The following RAB4A variants were observed in gnomAD, a reference collection of about 807,000 sequenced individuals.
RAB4A encodes ras-related protein Rab-4A.
RAB4A carries 20 observed loss-of-function variants against 34.5 expected under a neutral mutation model. The ratio of observed to expected loss-of-function variants is 0.58; its 90% CI spans 0.41 to 0.84. The LOEUF (loss-of-function observed/expected upper bound fraction) is 0.84. Among genes scored for constraint, RAB4A ranks in the 40% least tolerant of loss-of-function variants. RAB4A has a pLI of 0.00. For missense variants in RAB4A, 228 were observed against 274.5 expected (o/e 0.83, Z 1.20); for synonymous variants, 102 against 100.0 (o/e 1.02, Z -0.12).
intron 3 of RAB4A, 47 bp downstream of exon 3, chr1:229,288,890 A>G (rs1224617762): frequency 1.8e-6 from 2 of 1,140,476 alleles, no homozygotes; most frequent in East Asian, 2.5e-5. Flanking sequence ...TTTGATTTAA[A>G]ATAATTGATG....
Position 229,271,323 on chromosome 1 carries a change from G to T in RAB4A, c.-17G>T. The T allele has an allele frequency of 7.6e-7, 1 of 1,321,050 alleles. No homozygotes were observed. The highest frequency in any genetic ancestry group is 2.1e-5 in the South Asian group (1 of 48,744). 81.8% of individuals were successfully genotyped at this position (1,321,050 alleles called of 1,614,324 possible). A position where few individuals can be genotyped will look rare whatever the true frequency, so the allele number is the denominator to read the frequency against. Reference sequence around the variant, plus strand: ...AGTGCAGCCGGTGACCCGGCGAGAGGCGGCGCCGCTCCCAAGATGTCGCAG... The same window carrying T: ...AGTGCAGCCGGTGACCCGGCGAGAGTCGGCGCCGCTCCCAAGATGTCGCAG... On this transcript the variant is annotated 5_prime_UTR_variant, in exon 1 of 8. Transcript: ENST00000366690.
At chr1:229,296,237 A>T (rs1245047222) in intron 4 of RAB4A, among the ~76,000 whole-genome samples, 1 of 152,208 alleles carries the variant, frequency 6.6e-6, no homozygotes, top group Non-Finnish European at 1.5e-5. Flanking sequence ...AGTTATTAGA[A>T]GTGAGTTGAG....
rs141906984 is a variant in RAB4A, at chr1:229,296,772, GTT to G, written c.291-708_291-707del. 7.2e-3 allele frequency among the ~76,000 whole-genome samples: 1,096 copies of G among 152,362 alleles called. 15 individuals are homozygous for G. Among genetic ancestry groups the G allele is most frequent in the African/African-American group, 0.025 (1,048 of 41,586 alleles). On this transcript the variant is annotated intron_variant, in intron 4 of 7. Coordinates refer to ENST00000366690, the MANE Select transcript of RAB4A (RefSeq NM_004578.4). ...CAGGCGTTCTGAGAGGAGGAAGGCA[GTT>G]TCTGGCCCAGCCCTTCCTGCACTTG...
Position 229,305,475 on chromosome 1 carries a change from T to C in RAB4A, c.*1682T>C. 1.9e-6 allele frequency: 1 copy of C among 523,544 alleles called. No homozygotes were observed. The highest frequency in any genetic ancestry group is 3.2e-6 in the Non-Finnish European group (1 of 315,892). 32.4% of individuals were successfully genotyped at this position (523,544 alleles called of 1,614,324 possible). A position where few individuals can be genotyped will look rare whatever the true frequency, so the allele number is the denominator to read the frequency against. On this transcript the variant is annotated 3_prime_UTR_variant, in exon 8 of 8. Transcript: ENST00000366690. ...GACACCATATATCCTTCTGCATCCT[T>C]TGGCCAATAAAAGTTGCTGGAGAAC...
At chr1:229,295,500 TGAG>T (rs1657226478) in intron 3 of RAB4A, among the ~76,000 whole-genome samples, 1 of 151,942 alleles carries the variant, frequency 6.6e-6, no homozygotes, top group Non-Finnish European at 1.5e-5. Context: ...GTGGGGTAGA[TGAG>T]GAGCTCGCAG....
intron 3 of RAB4A, among the ~76,000 whole-genome samples, chr1:229,292,207 T>TA (rs551523313): frequency 6.7e-6 from 1 of 150,124 alleles, no homozygotes; most frequent in African/African-American, 2.5e-5. Flanking sequence ...CCCTAAAACT[T>TA]AAAGTATAAT....
chr1:229,275,563 C>T (rs1656617806), intron 1 of RAB4A, among the ~76,000 whole-genome samples: 1 of 149,580 alleles, frequency 6.7e-6, no homozygotes, highest in African/African-American at 2.5e-5. Context: ...GATGACAAGG[C>T]AAGATGAAGT....
intron 1 of RAB4A, 100 bp downstream of exon 1, chr1:229,271,470 G>A: frequency 9.7e-7 from 1 of 1,029,856 alleles, no homozygotes; most frequent in East Asian, 4.7e-5. Context: ...GGTGGCGGTG[G>A]CGCCGGCCGG....
chr1:229,277,872 T>C (rs578064726), intron 1 of RAB4A, among the ~76,000 whole-genome samples: 2 of 151,342 alleles, frequency 1.3e-5, no homozygotes, highest in South Asian at 4.2e-4. Context: ...CTCCCTTTCT[T>C]CTTTTTTTCT....
chr1:229,293,738 C>T (rs931263946), intron 3 of RAB4A, among the ~76,000 whole-genome samples: 2 of 151,944 alleles, frequency 1.3e-5, no homozygotes, highest in South Asian at 4.2e-4. Flanking sequence ...GGAGACAGCA[C>T]GCTGAGATAG....
At chr1:229,293,527 C>G (rs1657149748) in intron 3 of RAB4A, among the ~76,000 whole-genome samples, 1 of 152,172 alleles carries the variant, frequency 6.6e-6, no homozygotes, top group Admixed American at 6.5e-5. Flanking sequence ...GGGACGAAGA[C>G]CAAATATATA....
chr1:229,294,043 G>A lies in RAB4A; in HGVS notation c.228-1805G>A, dbSNP rs572432930. Among the ~76,000 whole-genome samples, 7 of 152,290 alleles carry A rather than the reference G, an allele frequency of 4.6e-5. No homozygotes were observed. The East Asian group carries it at 5.8e-4, about 13-fold the overall frequency. ...GTGTAGGAGACTGCACTAGGCTGGC[G>A]GAGTGAATGTGGAGGTGCACAGGAA... On this transcript the variant is annotated intron_variant, in intron 3 of 7. Coordinates refer to ENST00000366690, the MANE Select transcript of RAB4A (RefSeq NM_004578.4).
intron 1 of RAB4A, among the ~76,000 whole-genome samples, chr1:229,273,265 A>C (rs1199522816): frequency 6.6e-6 from 1 of 152,232 alleles, no homozygotes; most frequent in African/African-American, 2.4e-5. Context: ...TGGCATCTCC[A>C]CTTCAGACAC....
chr1:229,275,344 G>A (rs568384525), intron 1 of RAB4A, among the ~76,000 whole-genome samples: 29 of 152,288 alleles, frequency 1.9e-4, no homozygotes, highest in African/African-American at 7.0e-4. Flanking sequence ...CCAGAAGCTA[G>A]AGAGAGGCAA....
At chr1:229,291,289 T>C (rs1003122778) in intron 3 of RAB4A, among the ~76,000 whole-genome samples, 2 of 152,202 alleles carry the variant, frequency 1.3e-5, no homozygotes, top group African/African-American at 4.8e-5. Flanking sequence ...AAATGTACTT[T>C]CTTAGAAAGT....
chr1:229,299,188 C>A, intron 6 of RAB4A, 116 bp downstream of exon 6: 1 of 705,362 alleles, frequency 1.4e-6, no homozygotes, highest in Non-Finnish European at 2.3e-6. Context: ...CTCTCTCTAC[C>A]TGCCAACCTA....
At chr1:229,294,640 G>C (rs930283879) in intron 3 of RAB4A, among the ~76,000 whole-genome samples, 1 of 152,204 alleles carries the variant, frequency 6.6e-6, no homozygotes, top group African/African-American at 2.4e-5. Flanking sequence ...AAGAGTTCGA[G>C]ACCAGCCTGG....
chr1:229,289,829 AG>A (rs1170706560), intron 3 of RAB4A, among the ~76,000 whole-genome samples: 2 of 152,208 alleles, frequency 1.3e-5, no homozygotes, highest in Non-Finnish European at 2.9e-5. Context: ...AAATTAATTA[AG>A]TAATTGAAGT....
At chr1:229,300,117 T>G (rs557464313) in intron 6 of RAB4A, among the ~76,000 whole-genome samples, 1 of 152,324 alleles carries the variant, frequency 6.6e-6, no homozygotes, top group Non-Finnish European at 1.5e-5. Context: ...GCATTAAAAG[T>G]TCTAATCCCA....
Sources: gnomAD v4.1 joint callset for allele counts (sites outside exome capture counted in the v4.1 genomes callset) on GRCh38, gnomAD v4.1.1 for gene constraint, MANE v1.5 for transcripts, NCBI Gene and HGNC (gene_info 2026-07-23, HGNC 2026-07-21) for gene names.